TENM3: variants seen among roughly 807,000 people sequenced by gnomAD.
The protein encoded by TENM3 is teneurin transmembrane protein 3.
In TENM3, 63 loss-of-function variants were observed where a neutral mutation model predicts 255.1. The observed-to-expected ratio is 0.25, with a 90% CI of 0.20 to 0.30. TENM3 has a LOEUF of 0.30. Among genes scored for constraint, TENM3 ranks in the 10% least tolerant of loss-of-function variants. The pLI is 1.00. For synonymous variants in TENM3, 1,306 were observed against 1,322.3 expected (o/e 0.99, Z 0.27); for missense variants, 2,929 against 3,461.1 (o/e 0.85, Z 3.86).
At chr4:181,764,253 AAG>A in the TENM3 span, among the ~76,000 whole-genome samples, 125,443 of 151,966 alleles carry the variant, frequency 0.83, 52,236 homozygotes, top group East Asian at 0.94. Context: ...GAAACAGGAG[AAG>A]AGAGAGATTT....
At chr4:182,185,604 T>C (rs1753103994) in intron 1 of TENM3, among the ~76,000 whole-genome samples, 1 of 152,204 alleles carries the variant, frequency 6.6e-6, no homozygotes, top group African/African-American at 2.4e-5. Context: ...CAGTTACAAT[T>C]CCATCATTAC....
chr4:182,333,302 T>G (rs1763897805), intron 2 of TENM3, among the ~76,000 whole-genome samples: 1 of 152,174 alleles, frequency 6.6e-6, no homozygotes, highest in Admixed American at 6.5e-5. Flanking sequence ...TGCTTTTCAG[T>G]AGGTGTGTAA....
At chr4:182,443,487 A>G (rs1772662951) in intron 3 of TENM3, among the ~76,000 whole-genome samples, 1 of 152,178 alleles carries the variant, frequency 6.6e-6, no homozygotes, top group African/African-American at 2.4e-5. Context: ...AGCTCTTGCT[A>G]CGTACTCAGT....
At chr4:181,778,230 C>CAA in the TENM3 span, among the ~76,000 whole-genome samples, 1 of 151,780 alleles carries the variant, frequency 6.6e-6, no homozygotes, top group Non-Finnish European at 1.5e-5. Context: ...ACCTCCGCAG[C>CAA]AAAAAAAGGA....
At chr4:181,755,037 C>G in the TENM3 span, among the ~76,000 whole-genome samples, 1 of 152,130 alleles carries the variant, frequency 6.6e-6, no homozygotes, top group African/African-American at 2.4e-5. Context: ...GCTAGTTTCT[C>G]CTGTATCAGA....
intron 1 of TENM3, among the ~76,000 whole-genome samples, chr4:182,160,547 T>G (rs902921777): frequency 2.6e-5 from 4 of 152,196 alleles, no homozygotes; most frequent in Non-Finnish European, 4.4e-5. Flanking sequence ...TTACTTAGCA[T>G]TTGAATCTAT....
the TENM3 span, among the ~76,000 whole-genome samples, chr4:181,721,451 T>A: frequency 8.8e-6 from 1 of 113,788 alleles, no homozygotes; most frequent in African/African-American, 2.9e-5. Flanking sequence ...AAAAAAAAAA[T>A]TAGCCGGGTG....
rs1766820362 is a variant in TENM3 at position 182,800,090 on chromosome 4, G to A, written c.7839G>A (p.Leu2613=). 3 of 1,587,978 alleles carry A rather than the reference G, an allele frequency of 1.9e-6. No individual in the cohort carries two copies. The highest frequency in any genetic ancestry group is 2.3e-5 in the South Asian group (2 of 88,246). ...TGCACGTGCGCTACGGCATGACCCT[G>A]GACGAGGAGAAGGCGCGCATCCTGG... ...LALHVRYGMT[L]DEEKARILEQ... The change falls in exon 28 of 28, where the codon CTG becomes CTA. Residue 2613 remains leucine (L), a synonymous_variant. Coordinates refer to ENST00000511685, the MANE Select transcript of TENM3 (RefSeq NM_001080477.4).
chr4:182,713,713 A>G (rs531199323), intron 12 of TENM3, among the ~76,000 whole-genome samples: 2 of 152,312 alleles, frequency 1.3e-5, no homozygotes, highest in South Asian at 4.1e-4. Context: ...TTTAAAACAG[A>G]TTACAAATCT....
chr4:181,676,483 G>A, the TENM3 span, among the ~76,000 whole-genome samples: 1 of 152,050 alleles, frequency 6.6e-6, no homozygotes, highest in East Asian at 1.9e-4. Flanking sequence ...CCAGGTAGTG[G>A]GTATAGTACT....
At chr4:181,565,018 T>C in the TENM3 span, among the ~76,000 whole-genome samples, 2 of 152,356 alleles carry the variant, frequency 1.3e-5, no homozygotes, top group African/African-American at 4.8e-5. Flanking sequence ...TCCCCAGATA[T>C]TACCGCAATT....
At chr4:182,540,253 A>ATTCT (rs2151883576) in intron 3 of TENM3, among the ~76,000 whole-genome samples, 1 of 152,318 alleles carries the variant, frequency 6.6e-6, no homozygotes, top group South Asian at 2.1e-4. Context: ...TTGTATAGAA[A>ATTCT]AACAAGAAAT....
chr4:181,743,286 T>C, the TENM3 span, among the ~76,000 whole-genome samples: 10 of 152,134 alleles, frequency 6.6e-5, no homozygotes, highest in East Asian at 1.9e-4. Flanking sequence ...GTTTACAGTC[T>C]CACCAACAGT....
At chr4:182,092,749 A>G in the TENM3 span, among the ~76,000 whole-genome samples, 1 of 152,256 alleles carries the variant, frequency 6.6e-6, no homozygotes, top group East Asian at 1.9e-4. Context: ...GGCAATCACA[A>G]TTTCAATTTC....
intron 12 of TENM3, among the ~76,000 whole-genome samples, chr4:182,694,732 C>T (rs1757264922): frequency 6.6e-6 from 1 of 152,140 alleles, no homozygotes. Flanking sequence ...CCAGGGCTGC[C>T]CTTGGGCTTT....
chr4:182,648,308 G>A (rs1752934626), intron 5 of TENM3, among the ~76,000 whole-genome samples: 1 of 147,288 alleles, frequency 6.8e-6, no homozygotes, highest in East Asian at 2.0e-4. Context: ...TTTTGAAACA[G>A]AGTCTCATTT....
At chr4:182,091,306 A>G in the TENM3 span, among the ~76,000 whole-genome samples, 1 of 152,174 alleles carries the variant, frequency 6.6e-6, no homozygotes, top group East Asian at 1.9e-4. Context: ...TATACTAGGG[A>G]TTTGAATTGA....
chr4:182,034,289 T>A, the TENM3 span, among the ~76,000 whole-genome samples: 4 of 152,216 alleles, frequency 2.6e-5, no homozygotes, highest in East Asian at 7.7e-4. Flanking sequence ...CCAAACCATA[T>A]CAATAGGTCT....
At chr4:182,449,056 GGCCACAGCGA>G (rs1222542867) in intron 3 of TENM3, 4 of 358,548 alleles carry the variant, frequency 1.1e-5, no homozygotes, top group African/African-American at 2.2e-5. Flanking sequence ...GGTTCCTCAC[GGCCACAGCGA>G]GGGCGCGCCG....
Sources: allele counts gnomAD v4.1 joint callset (sites outside exome capture counted in the v4.1 genomes callset), GRCh38; gene constraint gnomAD v4.1.1; transcripts MANE v1.5; gene names NCBI Gene and HGNC (gene_info 2026-07-23, HGNC 2026-07-21).